Variants in SNRNP25 observed in about 807,000 individuals in gnomAD.
SNRNP25 encodes the protein U11/U12 small nuclear ribonucleoprotein 25 kDa protein.
A neutral mutation model predicts 23.9 loss-of-function variants in SNRNP25; 21 were observed. The ratio of observed to expected loss-of-function variants is 0.88; its 90% CI spans 0.62 to 1.27. The LOEUF (loss-of-function observed/expected upper bound fraction) is 1.27, where lower values mean the gene tolerates loss of function less well. SNRNP25 is among the 50% of genes most tolerant of loss of function. The pLI is 0.00. For missense variants in SNRNP25, 160 were observed against 156.9 expected, an observed-to-expected ratio of 1.02 and a Z score of -0.11; for synonymous variants, 63 against 60.4, an observed-to-expected ratio of 1.04 and a Z score of -0.20.
chr16:55,343 C>T (rs1897392763), intron 1 of SNRNP25, 116 bp from the exon 2 acceptor site: 2 of 846,144 alleles, frequency 2.4e-6, no homozygotes, highest in Non-Finnish European at 2.0e-6. Context: ...AACCACCCTT[C>T]CTTGCCCTTC....
At chr16:55,344 C>T in intron 1 of SNRNP25, 115 bp from the exon 2 acceptor site, 3 of 862,290 alleles carry the variant, frequency 3.5e-6, no homozygotes, top group Admixed American at 1.9e-5. Flanking sequence ...ACCACCCTTC[C>T]TTGCCCTTCG....
intron 4 of SNRNP25, 136 bp downstream of exon 4, chr16:56,749 C>T (rs372939217): frequency 7.6e-6 from 7 of 926,122 alleles, no homozygotes; most frequent in Middle Eastern, 2.2e-4. Context: ...GGGGCCCTCC[C>T]CACTAGGAGA....
chr16:57,153 C>T lies in SNRNP25; in HGVS notation c.*10C>T. On this transcript the variant is annotated 3_prime_UTR_variant, in exon 5 of 5. Coordinates refer to ENST00000293861, the MANE Select transcript of SNRNP25 (RefSeq NM_024571.4). ...GCTGAGGCAAAAGTGAGCCTCCAGA[C>T]AGGACAACCCTCTTCATCACTGGTG... 1 of 1,613,852 alleles carries T rather than the reference C, an allele frequency of 6.2e-7. No individual in the cohort carries two copies. The highest frequency in any genetic ancestry group is 8.5e-7 in the Non-Finnish European group (1 of 1,179,808).
At chr16:55,280 A>G in intron 1 of SNRNP25, 179 bp from the exon 2 acceptor site, 1 of 585,524 alleles carries the variant, frequency 1.7e-6, no homozygotes, top group Non-Finnish European at 3.1e-6. Context: ...TTAAAATGTG[A>G]GTGGAACATG....
At chr16:55,029 G>T (rs1451070799) in intron 1 of SNRNP25, 1 of 166,994 alleles carries the variant, frequency 6.0e-6, no homozygotes, top group Non-Finnish European at 1.3e-5. Flanking sequence ...TAATTGCCTT[G>T]TATTTCTTAA....
At position 57,512 on chromosome 16, in the gene SNRNP25, G is replaced by C. The variant is rs1897429319; in HGVS notation, c.*369G>C. 3.4e-6 allele frequency: 1 copy of C among 292,356 alleles called. No homozygotes were observed. The highest frequency in any genetic ancestry group is 2.1e-5 in the African/African-American group (1 of 47,312). The allele number at this position is 292,356 out of a possible 1,614,324, so 18.1% of individuals were successfully genotyped here. A position where few individuals can be genotyped will look rare whatever the true frequency, so the allele number is the denominator to read the frequency against. Reference sequence around the variant, plus strand: ...TGAGATTGCCCCATCACAGAGGTGAGTTAAGGGGAGAGAATTGGTACAGGC... The same window carrying C: ...TGAGATTGCCCCATCACAGAGGTGACTTAAGGGGAGAGAATTGGTACAGGC... On this transcript the variant is annotated 3_prime_UTR_variant, in exon 5 of 5. Coordinates refer to ENST00000293861, the MANE Select transcript of SNRNP25 (RefSeq NM_024571.4).
In SNRNP25 at chr16:53,850, TG is replaced by T; in HGVS notation, c.-165del. On this transcript the variant is annotated 5_prime_UTR_variant, in exon 1 of 5. Coordinates refer to ENST00000293861, the MANE Select transcript of SNRNP25 (RefSeq NM_024571.4). ...GCCGCAGTTCCTGCGCGTGCGCGCTTGGCCTCCCTAGTGCGGGCTGGCAGTG... is the reference window on the plus strand; with the variant it reads ...GCCGCAGTTCCTGCGCGTGCGCGCTTGCCTCCCTAGTGCGGGCTGGCAGTG... 1 of 1,408,040 alleles carries T rather than the reference TG, an allele frequency of 7.1e-7. No individual in the cohort carries two copies. The highest frequency in any genetic ancestry group is 1.3e-5 in the South Asian group (1 of 78,604). 87.2% of individuals were successfully genotyped at this position (1,408,040 alleles called of 1,614,324 possible).
rs895486966 is a variant in SNRNP25 at position 53,972 on chromosome 16, C to G, written c.-45C>G. 3 of 1,604,906 alleles carry G rather than the reference C, an allele frequency of 1.9e-6. No homozygotes were observed. The highest frequency in any genetic ancestry group is 1.7e-6 in the Non-Finnish European group (2 of 1,176,780). ...GGAAGATGAGGACGAAGAAGAGGCG[C>G]TGCCGCACTCCGAGGCCATGGACGT... On this transcript the variant is annotated 5_prime_UTR_variant, in exon 1 of 5. Transcript: ENST00000293861.
intron 1 of SNRNP25, 53 bp from the exon 2 acceptor site, chr16:55,406 T>C: frequency 6.5e-7 from 1 of 1,532,686 alleles, no homozygotes; most frequent in African/African-American, 1.4e-5. Flanking sequence ...TTGTTGTTGC[T>C]CAAGGTGGTA....
chr16:57,437 G>A lies in SNRNP25; in HGVS notation c.*294G>A, dbSNP rs1291723144. ...CCCACTGTATAAAATAAACCTGTTT[G>A]CTTCTTAGTTTGAAAAGTAGAAAGC... On this transcript the variant is annotated 3_prime_UTR_variant, in exon 5 of 5. Transcript: ENST00000293861. 2 of 446,874 alleles carry A rather than the reference G, an allele frequency of 4.5e-6. No homozygotes were observed. Among genetic ancestry groups the A allele is most frequent in the Non-Finnish European group, 8.1e-6 (2 of 246,460 alleles). 27.7% of individuals were successfully genotyped at this position (446,874 alleles called of 1,614,324 possible). A position where few individuals can be genotyped will look rare whatever the true frequency, so the allele number is the denominator to read the frequency against.
In SNRNP25 at chr16:57,312, G is replaced by C; in HGVS notation, c.*169G>C. On this transcript the variant is annotated 3_prime_UTR_variant, in exon 5 of 5. Coordinates refer to ENST00000293861, the MANE Select transcript of SNRNP25 (RefSeq NM_024571.4). ...TAAACCTGGGGGCCCTCAGGACTAG[G>C]ACAGGGTGAGCCAGTGCTCCCTCCT... The C allele has an allele frequency of 1.5e-6, 1 of 684,994 alleles. No homozygotes were observed. Among genetic ancestry groups the C allele is most frequent in the Non-Finnish European group, 2.5e-6 (1 of 394,010 alleles). The allele number at this position is 684,994 out of a possible 1,614,324, so 42.4% of individuals were successfully genotyped here.
chr16:55,392 T>C (rs1399924216), intron 1 of SNRNP25, 67 bp from the exon 2 acceptor site: 30 of 1,459,552 alleles, frequency 2.1e-5, no homozygotes, highest in Non-Finnish European at 2.8e-5. Flanking sequence ...TATCGGCTTG[T>C]TCTTTGTTGT....
At chr16:54,336 G>T (rs1250881436) in intron 1 of SNRNP25, among the ~76,000 whole-genome samples, 1 of 152,160 alleles carries the variant, frequency 6.6e-6, no homozygotes, top group African/African-American at 2.4e-5. Context: ...TGCGTTGCCC[G>T]GGCTGGAGTG....
intron 1 of SNRNP25, 187 bp from the exon 2 acceptor site, chr16:55,272 A>T: frequency 1.8e-6 from 1 of 566,482 alleles, no homozygotes; most frequent in Non-Finnish European, 3.2e-6. Context: ...TATGGACATT[A>T]AAATGTGAGT....
At chr16:55,749 C>A in intron 2 of SNRNP25, 28 bp from the exon 3 acceptor site, 1 of 1,611,178 alleles carries the variant, frequency 6.2e-7, no homozygotes, top group East Asian at 2.2e-5. Flanking sequence ...CACCATGGAT[C>A]TTCTCCCATC....
chr16:53,869 T>TGGCAGTGCG lies in SNRNP25; in HGVS notation c.-142_-134dup. 1 of 1,463,998 alleles carries TGGCAGTGCG rather than the reference T, an allele frequency of 6.8e-7. No individual in the cohort carries two copies. Among genetic ancestry groups the TGGCAGTGCG allele is most frequent in the East Asian group, 2.5e-5 (1 of 40,280 alleles). The allele number at this position is 1,463,998 out of a possible 1,614,324, so 90.7% of individuals were successfully genotyped here. ...CGCGCTTGGCCTCCCTAGTGCGGGC[T>TGGCAGTGCG]GGCAGTGCGGGCAGAGCCCGGCTGA... is the stretch of plus-strand genomic sequence containing the variant. On this transcript the variant is annotated 5_prime_UTR_variant, in exon 1 of 5. Coordinates refer to ENST00000293861, the MANE Select transcript of SNRNP25 (RefSeq NM_024571.4).
chr16:54,592 C>A (rs1220050915), intron 1 of SNRNP25, among the ~76,000 whole-genome samples: 1 of 151,736 alleles, frequency 6.6e-6, no homozygotes, highest in African/African-American at 2.4e-5. Flanking sequence ...AAAGAGCCTA[C>A]GGTAAAAGAA....
At chr16:56,137 G>C in intron 3 of SNRNP25, 1 of 619,562 alleles carries the variant, frequency 1.6e-6, no homozygotes, top group Non-Finnish European at 3.0e-6. Flanking sequence ...CGAGCTGCTG[G>C]GTATCTTCAC....
At chr16:55,237 T>A (rs9926790) in intron 1 of SNRNP25, 124 of 489,698 alleles carry the variant, frequency 2.5e-4, no homozygotes, top group African/African-American at 2.3e-3. Flanking sequence ...TCTTAGCACC[T>A]CTTTCCCCCA....
Sources: gnomAD v4.1 joint callset for allele counts (sites outside exome capture counted in the v4.1 genomes callset) on GRCh38, gnomAD v4.1.1 for gene constraint, MANE v1.5 for transcripts, NCBI Gene and HGNC (gene_info 2026-07-23, HGNC 2026-07-21) for gene names.